THY1: variants seen among roughly 807,000 people sequenced by gnomAD.
THY1 encodes Thy-1 cell surface antigen.
In THY1, 10 loss-of-function variants were observed where a neutral mutation model predicts 14.9. That is an observed-to-expected ratio of 0.67 (90% CI 0.41 to 1.14). THY1 has a LOEUF of 1.14. THY1 is among the 50% of genes most tolerant of loss of function. THY1 has a pLI of 0.00. For synonymous variants in THY1, 80 were observed against 90.0 expected (o/e 0.89, Z 0.63); for missense variants, 159 against 202.1 (o/e 0.79, Z 1.29).
chr11:119,420,488 G>A, intron 2 of THY1, 102 bp from the exon 3 acceptor site: 1 of 1,188,988 alleles, frequency 8.4e-7, no homozygotes, highest in Non-Finnish European at 1.1e-6. Context: ...AGGGGACCGG[G>A]GTCTGCTCTC....
Position 119,419,195 on chromosome 11 carries a change from C to G in THY1, c.*213G>C. Reference sequence around the variant, plus strand: ...AGAAGCAGCTCTGGAACAAAAAGTACAAAAAGACAGCCAGAGGTGTGCGGA... The same window carrying G: ...AGAAGCAGCTCTGGAACAAAAAGTAGAAAAAGACAGCCAGAGGTGTGCGGA... On this transcript the variant is annotated 3_prime_UTR_variant, in exon 4 of 4. Coordinates refer to ENST00000284240, the MANE Select transcript of THY1 (RefSeq NM_006288.5). The G allele has an allele frequency of 3.3e-6, 2 of 603,760 alleles. No individual in the cohort carries two copies. The highest frequency in any genetic ancestry group is 6.2e-6 in the Non-Finnish European group (2 of 324,726). 37.4% of individuals were successfully genotyped at this position (603,760 alleles called of 1,614,324 possible).
Position 119,419,396 on chromosome 11 carries a change from G to C in THY1, c.*12C>G. On this transcript the variant is annotated 3_prime_UTR_variant, in exon 4 of 4. Coordinates refer to ENST00000284240, the MANE Select transcript of THY1 (RefSeq NM_006288.5). ...ACTTGAGGCTTCCTGTCTCCTCCAT[G>C]GGCCCCACCAGTCACAGGGACATGA... The C allele has an allele frequency of 6.2e-7, 1 of 1,611,302 alleles. No homozygotes were observed. Among genetic ancestry groups the C allele is most frequent in the South Asian group, 1.1e-5 (1 of 90,926 alleles).
Position 119,420,354 on chromosome 11 carries a change from T to C in THY1, c.70A>G (p.Ser24Gly). Residue 24 changes from serine to glycine, a missense_variant, in exon 3 of 4, where the codon AGC becomes GGC. Coordinates refer to ENST00000284240, the MANE Select transcript of THY1 (RefSeq NM_006288.5). ...TGGTCCACTAGGCAGGCCGTTAGGC[T>C]GGTCACCTTCTGCCCTCGGGAGACC... is the stretch of plus-strand genomic sequence containing the variant. Reference protein sequence around the residue: ...LQVSRGQKVTSLTACLVDQSL... With the variant: ...LQVSRGQKVTGLTACLVDQSL... 1 of 1,613,822 alleles carries C rather than the reference T, an allele frequency of 6.2e-7. No individual in the cohort carries two copies. Among genetic ancestry groups the C allele is most frequent in the Non-Finnish European group, 8.5e-7 (1 of 1,179,960 alleles).
In THY1 at chr11:119,415,863, C is replaced by A. The variant is rs1001334552; in HGVS notation, c.*3545G>T. ...TGCCTGGCCAGGACTCTCTGAAGGA[C>A]TCCAGCTCCAACATTTTCTCACTAG... On this transcript the variant is annotated 3_prime_UTR_variant, in exon 4 of 4. Coordinates refer to ENST00000284240, the MANE Select transcript of THY1 (RefSeq NM_006288.5). Among the ~76,000 whole-genome samples, 18 of 152,208 alleles carry A rather than the reference C, an allele frequency of 1.2e-4. No homozygotes were observed. The highest frequency in any genetic ancestry group is 4.3e-4 in the African/African-American group (18 of 41,444).
At chr11:119,419,834 C>T (rs1326758247) in intron 3 of THY1, 2 of 636,786 alleles carry the variant, frequency 3.1e-6, no homozygotes, top group Non-Finnish European at 5.4e-6. Flanking sequence ...GCCTTGCCCA[C>T]AGTTCTGGTG....
In THY1 at chr11:119,418,181, T is replaced by C. The variant is rs1196689221; in HGVS notation, c.*1227A>G. 6.6e-6 allele frequency: 1 copy of C among 152,592 alleles called. No individual in the cohort carries two copies. The allele number at this position is 152,592 out of a possible 1,614,324, so 9.5% of individuals were successfully genotyped here. A position where few individuals can be genotyped will look rare whatever the true frequency, so the allele number is the denominator to read the frequency against. ...AAGGCCAGGTGGACACGAGGACAGA[T>C]TCCAGAGGCTTGGTTTTATTGTGCA... On this transcript the variant is annotated 3_prime_UTR_variant, in exon 4 of 4. Coordinates refer to ENST00000284240, the MANE Select transcript of THY1 (RefSeq NM_006288.5).
intron 2 of THY1, 25 bp downstream of exon 2, chr11:119,420,844 C>T (rs368953263): frequency 1.2e-6 from 2 of 1,613,920 alleles, no homozygotes; most frequent in Non-Finnish European, 1.7e-6. Flanking sequence ...CGCCTGGAGC[C>T]CCAGTCCTGC....
intron 1 of THY1, chr11:119,421,481 T>C (rs528259041): frequency 2.0e-5 from 3 of 152,342 alleles, no homozygotes; most frequent in Admixed American, 2.0e-4. Context: ...GGACTTCCCA[T>C]TTCCTGTTCA....
Position 119,418,931 on chromosome 11 carries a change from G to A in THY1, c.*477C>T, listed in dbSNP as rs1396191042. 5.2e-6 allele frequency: 1 copy of A among 191,684 alleles called. No individual in the cohort carries two copies. Among genetic ancestry groups the A allele is most frequent in the Non-Finnish European group, 1.1e-5 (1 of 91,888 alleles). The allele number at this position is 191,684 out of a possible 1,614,324, so 11.9% of individuals were successfully genotyped here. ...TCTTCAGGCACCAGCCATGCCTGCC[G>A]AGGAGTGCTGTCAGGACAGACCATG... On this transcript the variant is annotated 3_prime_UTR_variant, in exon 4 of 4. Transcript: ENST00000284240.
At position 119,420,315 on chromosome 11, in the gene THY1, C is replaced by A; in HGVS notation, c.109G>T (p.Asp37Tyr). 1 of 1,614,224 alleles carries A rather than the reference C, an allele frequency of 6.2e-7. No homozygotes were observed. Among genetic ancestry groups the A allele is most frequent in the Non-Finnish European group, 8.5e-7 (1 of 1,180,046 alleles). Residue 37 changes from aspartate to tyrosine, a missense_variant, in exon 3 of 4, where the codon GAC (aspartate) becomes TAC (tyrosine). Coordinates refer to ENST00000284240, the MANE Select transcript of THY1 (RefSeq NM_006288.5). Reference sequence around the variant, plus strand: ...CTGCTGGTATTCTCATGGCGGCAGTCCAGACGAAGGCTCTGGTCCACTAGG... The same window carrying A: ...CTGCTGGTATTCTCATGGCGGCAGTACAGACGAAGGCTCTGGTCCACTAGG... ...ACLVDQSLRLDCRHENTSSSP... is the reference protein window; with the variant it reads ...ACLVDQSLRLYCRHENTSSSP...
At chr11:119,421,071 T>A (rs1240618921) in intron 1 of THY1, 142 bp from the exon 2 acceptor site, 5 of 670,928 alleles carry the variant, frequency 7.5e-6, no homozygotes, top group Non-Finnish European at 1.3e-5. Context: ...TGCATCTCAC[T>A]GAACATGATA....
rs1341461757 is a variant in THY1, at chr11:119,422,900, C to T, written c.-25+213G>A. On this transcript the variant is annotated intron_variant, in intron 1 of 3. Coordinates refer to ENST00000284240, the MANE Select transcript of THY1 (RefSeq NM_006288.5). The surrounding 1 kb of genome is among the most constrained non-coding windows in gnomAD (Gnocchi z 7.0). ...CCAGCGGGCGAAAGCCCGGGAGCGC[C>T]TTCCCCGAAAGACATCAGGGTGCCA... Among the ~76,000 whole-genome samples the T allele has an allele frequency of 6.6e-6, 1 of 152,256 alleles. No individual in the cohort carries two copies. The highest frequency in any genetic ancestry group is 1.9e-4 in the East Asian group (1 of 5,188).
At position 119,419,524 on chromosome 11, in the gene THY1, C is replaced by G. The variant is rs1167061627; in HGVS notation, c.374-4G>C. On this transcript the variant is annotated splice_region_variant and splice_polypyrimidine_tract_variant and intron_variant, in intron 3 of 3. Transcript: ENST00000284240. ...CCCTCACACTTGACCAGTTTGTCTG[C>G]AGAAAGAGAAGGGGGCCGGGGGCAG... is the stretch of plus-strand genomic sequence containing the variant. The G allele has an allele frequency of 1.2e-6, 2 of 1,611,764 alleles. No homozygotes were observed. Among genetic ancestry groups the G allele is most frequent in the Admixed American group, 3.3e-5 (2 of 59,996 alleles).
upstream of THY1, chr11:119,423,298 G>A: frequency 8.7e-6 from 3 of 344,648 alleles, no homozygotes; most frequent in South Asian, 4.1e-5. Context: ...TGGGGGGTGG[G>A]GAAGGAAGAG....
In THY1 at chr11:119,417,777, T is replaced by C. The variant is rs1861806511; in HGVS notation, c.*1631A>G. ...CCCTTCGTGCTCACCCTCGCAATAG[T>C]GGATGTGCCTGGAGGGTACATTTCT... On this transcript the variant is annotated 3_prime_UTR_variant, in exon 4 of 4. Coordinates refer to ENST00000284240, the MANE Select transcript of THY1 (RefSeq NM_006288.5). The C allele has an allele frequency of 6.6e-6, 1 of 152,362 alleles. No individual in the cohort carries two copies. The highest frequency in any genetic ancestry group is 1.5e-5 in the Non-Finnish European group (1 of 68,072). The allele number at this position is 152,362 out of a possible 1,614,324, so 9.4% of individuals were successfully genotyped here.
At chr11:119,420,451 G>C in intron 2 of THY1, 65 bp from the exon 3 acceptor site, 1 of 1,445,348 alleles carries the variant, frequency 6.9e-7, no homozygotes, top group Non-Finnish European at 9.3e-7. Flanking sequence ...CCACCCACCT[G>C]AAGTGGAGAG....
upstream of THY1, chr11:119,423,293 G>A (rs928959222): frequency 5.7e-6 from 2 of 348,954 alleles, no homozygotes; most frequent in Non-Finnish European, 1.1e-5. Context: ...TGGGGTGGGG[G>A]GTGGGGAAGG....
chr11:119,419,207 C>A lies in THY1; in HGVS notation c.*201G>T, dbSNP rs1861841810. On this transcript the variant is annotated 3_prime_UTR_variant, in exon 4 of 4. Coordinates refer to ENST00000284240, the MANE Select transcript of THY1 (RefSeq NM_006288.5). Reference sequence around the variant, plus strand: ...GGAACAAAAAGTACAAAAAGACAGCCAGAGGTGTGCGGAGAGGGTGAGGTG... The same window carrying A: ...GGAACAAAAAGTACAAAAAGACAGCAAGAGGTGTGCGGAGAGGGTGAGGTG... The A allele has an allele frequency of 1.6e-6, 1 of 642,294 alleles. No homozygotes were observed. Among genetic ancestry groups the A allele is most frequent in the Admixed American group, 2.2e-5 (1 of 45,166 alleles). 39.8% of individuals were successfully genotyped at this position (642,294 alleles called of 1,614,324 possible).
At chr11:119,423,052 T>TGTTGGG in intron 1 of THY1, 61 bp downstream of exon 1, 1 of 455,930 alleles carries the variant, frequency 2.2e-6, no homozygotes, top group Non-Finnish European at 4.4e-6. Flanking sequence ...TGTTGGGAAG[T>TGTTGGG]CTTGCATGGG....
Sources: gnomAD v4.1 joint callset for allele counts (sites outside exome capture counted in the v4.1 genomes callset) on GRCh38, gnomAD v4.1.1 for gene constraint, Gnocchi (gnomAD v3.1) non-coding constraint, MANE v1.5 for transcripts, NCBI Gene and HGNC (gene_info 2026-07-23, HGNC 2026-07-21) for gene names.